The following HK3 variants were observed in gnomAD, a reference collection of about 807,000 sequenced individuals.
HK3 encodes the protein hexokinase-3.
HK3 carries 93 observed loss-of-function variants against 91.0 expected under a neutral mutation model. The ratio of observed to expected loss-of-function variants is 1.02; its 90% confidence interval spans 0.86 to 1.21. The LOEUF (loss-of-function observed/expected upper bound fraction) is 1.21, where lower values mean the gene tolerates loss of function less well. Among genes scored for constraint, HK3 ranks in the 50% most tolerant of loss-of-function variants. The probability of loss-of-function intolerance (pLI) is 0.00; values close to 1 mark genes in which losing one functional copy is unlikely to be tolerated. For synonymous variants in HK3, 519 were observed against 516.9 expected (o/e 1.00, Z -0.06); for missense variants, 1,235 against 1,247.4 (o/e 0.99, Z 0.15).
At chr5:176,890,389 T>C (rs1200972537) in intron 6 of HK3, among the ~76,000 whole-genome samples, 1 of 152,246 alleles carries the variant, frequency 6.6e-6, no homozygotes, top group Non-Finnish European at 1.5e-5. Flanking sequence ...TCAAAGTCTA[T>C]TCATGTTTTT....
At chr5:176,894,880 C>T (rs1409306594) in intron 2 of HK3, among the ~76,000 whole-genome samples, 2 of 147,996 alleles carry the variant, frequency 1.4e-5, no homozygotes, top group African/African-American at 5.0e-5. Flanking sequence ...GGGTTCACAC[C>T]ATTCTCCTGC....
In HK3 at chr5:176,884,272, G is replaced by A; in HGVS notation, c.1858-138C>T. On this transcript the variant is annotated intron_variant, in intron 13 of 18. Transcript: ENST00000292432. The surrounding 1 kb of genome is among the most constrained non-coding windows in gnomAD (Gnocchi z 4.1). ...CAATTCCTTGCCTACTTTGCTGTAT[G>A]GTTGAAGGCCTTGCCCTCTGCCCGC... The A allele has an allele frequency of 1.3e-6, 1 of 745,608 alleles. No homozygotes were observed. The highest frequency in any genetic ancestry group is 1.6e-5 in the South Asian group (1 of 61,712). 46.2% of individuals were successfully genotyped at this position (745,608 alleles called of 1,614,324 possible).
chr5:176,881,349 C>T lies in HK3; in HGVS notation c.2580G>A (p.Leu860=), dbSNP rs1479385330. Residue 860 remains leucine, a synonymous_variant, in exon 18 of 19, where the codon CTG becomes CTA. Transcript: ENST00000292432. ...TTCCATCCACCCCCACAGACACTGCCAGCTCTTCCAGGCCCCGGTTCTCCC... is the reference window on the plus strand; with the variant it reads ...TTCCATCCACCCCCACAGACACTGCTAGCTCTTCCAGGCCCCGGTTCTCCC... ...KIRENRGLEE[L]AVSVGVDGTL... The T allele has an allele frequency of 3.7e-6, 6 of 1,613,964 alleles. No individual in the cohort carries two copies. In the South Asian group the frequency reaches 6.6e-5, roughly 18 times the overall value.
chr5:176,896,435 A>G (rs888576709), intron 1 of HK3, among the ~76,000 whole-genome samples: 6 of 152,232 alleles, frequency 3.9e-5, no homozygotes, highest in African/African-American at 9.6e-5. Flanking sequence ...TCTGTCATTC[A>G]TTGACATTCA....
intron 1 of HK3, among the ~76,000 whole-genome samples, chr5:176,897,009 T>C (rs1361572432): frequency 6.6e-6 from 1 of 151,988 alleles, no homozygotes; most frequent in Non-Finnish European, 1.5e-5. Flanking sequence ...GTGGGAACCC[T>C]GCTCTCCACA....
At chr5:176,892,627 T>C (rs1401666277) in intron 2 of HK3, among the ~76,000 whole-genome samples, 1 of 152,094 alleles carries the variant, frequency 6.6e-6, no homozygotes, top group Non-Finnish European at 1.5e-5. Flanking sequence ...GGCAACTCCA[T>C]CCTCCTCAGG....
Position 176,884,029 on chromosome 5 carries a change from A to G in HK3, c.1953+10T>C. ...CACAGCCCCAAAGCACCCCTAGAAC[A>G]GGCTCCTACCTGTCTGCGAGTGATG... On this transcript the variant is annotated intron_variant, in intron 14 of 18. Transcript: ENST00000292432. This position sits in a 1 kb window ranked among gnomAD's most constrained non-coding sequence, Gnocchi z 4.1. 1 of 1,613,510 alleles carries G rather than the reference A, an allele frequency of 6.2e-7. No homozygotes were observed. Among genetic ancestry groups the G allele is most frequent in the Non-Finnish European group, 8.5e-7 (1 of 1,179,484 alleles).
Position 176,891,081 on chromosome 5 carries a change from C to T in HK3, c.370G>A (p.Glu124Lys), listed in dbSNP as rs2149376811. 6.2e-7 allele frequency: 1 copy of T among 1,614,114 alleles called. No individual in the cohort carries two copies. The highest frequency in any genetic ancestry group is 8.5e-7 in the Non-Finnish European group (1 of 1,180,036). ...EGHRVEPRSQ[E>K]FVIPQEVMLG... ...ATCACCTCTTGGGGGATCACAAACT[C>T]CTGGCTTCTGGGCTCCACCCTATGC... The change falls in exon 4 of 19, where the codon GAG (glutamate) becomes AAG (lysine). Residue 124 changes from glutamate to lysine, a missense_variant. Glu to Lys is a moderately conservative substitution (Grantham distance 56, BLOSUM62 1). Coordinates refer to ENST00000292432, the MANE Select transcript of HK3 (RefSeq NM_002115.3).
At position 176,891,463 on chromosome 5, in the gene HK3, G is replaced by A; in HGVS notation, c.184C>T (p.Leu62=). 1.9e-6 allele frequency: 3 copies of A among 1,614,178 alleles called. No homozygotes were observed. The highest frequency in any genetic ancestry group is 2.5e-6 in the Non-Finnish European group (3 of 1,180,042). The change falls in exon 3 of 19, where the codon CTG becomes TTG. Residue 62 remains leucine (L), a synonymous_variant. Transcript: ENST00000292432. ...ASLLGSMEQA[L]RGQASPAPAV... ...GGGGCAGGGCTGGCCTGTCCCCTCA[G>A]CGCCTGCTCCATGGAACCCAAGAGG...
chr5:176,891,280 C>G (rs896164580), intron 3 of HK3, 89 bp from the exon 4 acceptor site: 3 of 1,610,326 alleles, frequency 1.9e-6, no homozygotes, highest in African/African-American at 2.7e-5. Flanking sequence ...CCTGCAAAGT[C>G]TGGTCAAGGG....
Position 176,884,214 on chromosome 5 carries a change from T to A in HK3, c.1858-80A>T. The A allele has an allele frequency of 8.5e-7, 1 of 1,179,136 alleles. No individual in the cohort carries two copies. The highest frequency in any genetic ancestry group is 1.3e-6 in the Non-Finnish European group (1 of 786,224). The allele number at this position is 1,179,136 out of a possible 1,614,324, so 73.0% of individuals were successfully genotyped here. A position where few individuals can be genotyped will look rare whatever the true frequency, so the allele number is the denominator to read the frequency against. On this transcript the variant is annotated intron_variant, in intron 13 of 18. Coordinates refer to ENST00000292432, the MANE Select transcript of HK3 (RefSeq NM_002115.3). The surrounding 1 kb of genome is among the most constrained non-coding windows in gnomAD (Gnocchi z 4.1). ...TCTGCCTCTGCAAAACCTGCATCCA[T>A]CACAAGCCTAGGCTTTCCACCCTCC...
In HK3 at chr5:176,888,364, G is replaced by C; in HGVS notation, c.1272C>G (p.Ala424=). ...GCCGCTCACACACTCGGCCTCCGGT[G>C]GCCACAGCAACCTGGAGTGTTTGTT... is the stretch of plus-strand genomic sequence containing the variant. The part of the protein sequence containing the change: ...REQQTLQVAV[A]TGGRVCERHP... Residue 424 remains alanine (A), a synonymous_variant, in exon 10 of 19, where the codon GCC becomes GCG. Transcript: ENST00000292432. 1 of 1,560,828 alleles carries C rather than the reference G, an allele frequency of 6.4e-7. No homozygotes were observed. Among genetic ancestry groups the C allele is most frequent in the South Asian group, 1.2e-5 (1 of 84,674 alleles).
At chr5:176,893,018 A>C (rs1758816421) in intron 2 of HK3, among the ~76,000 whole-genome samples, 1 of 152,102 alleles carries the variant, frequency 6.6e-6, no homozygotes. Flanking sequence ...AGCTGAAGCC[A>C]AGCTGCAGAC....
chr5:176,896,994 C>CA (rs1758923938), intron 1 of HK3, among the ~76,000 whole-genome samples: 1 of 151,398 alleles, frequency 6.6e-6, no homozygotes, highest in Admixed American at 6.6e-5. Flanking sequence ...GCCCTGTACT[C>CA]AGAGGTGGGA....
At chr5:176,890,516 C>T (rs1480944699) in intron 6 of HK3, 119 bp downstream of exon 6, 16 of 829,024 alleles carry the variant, frequency 1.9e-5, no homozygotes, top group Non-Finnish European at 4.1e-6. Flanking sequence ...GGAGGTTAAA[C>T]TGGATGGAGG....
intron 8 of HK3, 137 bp from the exon 9 acceptor site, chr5:176,889,001 T>C: frequency 2.1e-6 from 2 of 966,256 alleles, no homozygotes; most frequent in Non-Finnish European, 3.0e-6. Context: ...ACGAATAGCC[T>C]CCCAGAGGAC....
rs146921580 is a variant in HK3 at position 176,894,467 on chromosome 5, G to A, written c.96+1597C>T. ...CTGCACAGGAGTGTCATCAGGGAGG[G>A]GCAAGAAGCGAGGGAGGAGATGACA... On this transcript the variant is annotated intron_variant, in intron 2 of 18. Transcript: ENST00000292432. Among the ~76,000 whole-genome samples, 755 of 152,298 alleles carry A rather than the reference G, an allele frequency of 5.0e-3. 8 individuals are homozygous for A. The highest frequency in any genetic ancestry group is 0.015 in the African/African-American group (616 of 41,558).
At position 176,889,432 on chromosome 5, in the gene HK3, G is replaced by T; in HGVS notation, c.863C>A (p.Thr288Asn). 4.3e-6 allele frequency: 7 copies of T among 1,614,192 alleles called. No individual in the cohort carries two copies. Among genetic ancestry groups the T allele is most frequent in the Non-Finnish European group, 5.9e-6 (7 of 1,180,032 alleles). The part of the protein sequence containing the change: ...SDDGALGPVL[T>N]TFDHTLDHES... ...ATGGTCCAGGGTATGGTCGAAGGTGGTCAGCACTGGTCCCAGCGCCCCATC... is the reference window on the plus strand; with the variant it reads ...ATGGTCCAGGGTATGGTCGAAGGTGTTCAGCACTGGTCCCAGCGCCCCATC... The change falls in exon 8 of 19, where the codon ACC becomes AAC. Residue 288 changes from threonine to asparagine, a missense_variant. Thr to Asn is a moderately conservative substitution (Grantham distance 65). This residue lies in a region of HK3 where 717 missense variants were observed against 751.6 expected (regional missense o/e 0.95). Transcript: ENST00000292432.
chr5:176,894,717 TAAAG>T (rs1474873171), intron 2 of HK3, among the ~76,000 whole-genome samples: 1 of 151,452 alleles, frequency 6.6e-6, no homozygotes, highest in Non-Finnish European at 1.5e-5. Flanking sequence ...GCCAGAAAAC[TAAAG>T]AAACTGCAGA....
Sources: allele counts gnomAD v4.1 joint callset (sites outside exome capture counted in the v4.1 genomes callset), GRCh38; gene constraint gnomAD v4.1.1; regional missense constraint gnomAD v4.1.1; non-coding constraint Gnocchi (gnomAD v3.1); transcripts MANE v1.5; gene names NCBI Gene and HGNC (gene_info 2026-07-23, HGNC 2026-07-21).